Variants in ENTPD6 observed in about 807,000 individuals in gnomAD.
ENTPD6 encodes CD39 antigen-like 2.
Under a neutral mutation model 61.5 loss-of-function variants are expected in ENTPD6, and 46 were observed. The ratio of observed to expected loss-of-function variants is 0.75; its 90% CI spans 0.59 to 0.96. The LOEUF (loss-of-function observed/expected upper bound fraction) is 0.96. ENTPD6 is among the 40% of genes least tolerant of loss of function. The pLI is 0.00. For synonymous variants in ENTPD6, 252 were observed against 255.5 expected (o/e 0.99, Z 0.13); for missense variants, 612 against 629.0 (o/e 0.97, Z 0.29).
chr20:25,213,150 C>T, intron 4 of ENTPD6, 113 bp from the exon 5 acceptor site: 1 of 1,237,504 alleles, frequency 8.1e-7, no homozygotes, highest in Non-Finnish European at 1.2e-6. Context: ...GCCTGGGCAA[C>T]ACAGTGAGAC....
chr20:25,224,933 A>G (rs1453199460), intron 13 of ENTPD6: 1 of 522,932 alleles, frequency 1.9e-6, no homozygotes, highest in Non-Finnish European at 3.4e-6. Flanking sequence ...AGGGTCTTAG[A>G]TGTAGAAATG....
intron 1 of ENTPD6, among the ~76,000 whole-genome samples, chr20:25,200,389 T>C (rs2122479458): frequency 6.6e-6 from 1 of 152,360 alleles, no homozygotes; most frequent in South Asian, 2.1e-4. Context: ...TTTCATTTTG[T>C]TGATTGTTTC....
At chr20:25,205,479 C>T (rs933292335) in intron 1 of ENTPD6, among the ~76,000 whole-genome samples, 7 of 151,934 alleles carry the variant, frequency 4.6e-5, no homozygotes, top group Non-Finnish European at 1.0e-4. Flanking sequence ...TGGGCAAGGA[C>T]GAAAGAGGAG....
chr20:25,221,133 A>G, intron 10 of ENTPD6, 99 bp from the exon 11 acceptor site: 6 of 868,376 alleles, frequency 6.9e-6, no homozygotes, highest in South Asian at 6.7e-5. Context: ...AGCTTCCCCC[A>G]TCCTGTGTCA....
In ENTPD6 at chr20:25,225,782, C is replaced by T; in HGVS notation, c.*185C>T. 1 of 585,766 alleles carries T rather than the reference C, an allele frequency of 1.7e-6. No homozygotes were observed. The allele number at this position is 585,766 out of a possible 1,614,324, so 36.3% of individuals were successfully genotyped here. On this transcript the variant is annotated 3_prime_UTR_variant, in exon 15 of 15. Transcript: ENST00000376652. ...ATCAGCCTCTTCCAGTCACATCTGG[C>T]CAGAGGGCTGTCTGGACCTGGGCCC...
At position 25,217,600 on chromosome 20, in the gene ENTPD6, G is replaced by A. The variant is rs2092385507; in HGVS notation, c.878+19G>A. ...CCTACAGGTCTGCTTTCGGGAACAG[G>A]CGTGGGGAGGCGCCATGGGGTGGGT... On this transcript the variant is annotated intron_variant, in intron 9 of 14. Coordinates refer to ENST00000376652, the MANE Select transcript of ENTPD6 (RefSeq NM_001247.5). 1.9e-6 allele frequency: 3 copies of A among 1,610,682 alleles called. No homozygotes were observed. Among genetic ancestry groups the A allele is most frequent in the Non-Finnish European group, 2.5e-6 (3 of 1,176,962 alleles).
At chr20:25,211,431 C>T (rs1266977490) in intron 4 of ENTPD6, among the ~76,000 whole-genome samples, 1 of 152,184 alleles carries the variant, frequency 6.6e-6, no homozygotes, top group African/African-American at 2.4e-5. Context: ...GATGTCCCTC[C>T]TACTCCAGGC....
intron 1 of ENTPD6, among the ~76,000 whole-genome samples, chr20:25,204,816 G>A (rs959632226): frequency 1.3e-5 from 2 of 152,142 alleles, no homozygotes; most frequent in Non-Finnish European, 2.9e-5. Flanking sequence ...CTGGGGCAGG[G>A]GTGAGTGAAA....
intron 1 of ENTPD6, among the ~76,000 whole-genome samples, chr20:25,205,142 G>A (rs1377926911): frequency 6.6e-6 from 1 of 152,204 alleles, no homozygotes; most frequent in Non-Finnish European, 1.5e-5. Flanking sequence ...GGCAGCAGCA[G>A]CACAAGACAA....
At position 25,227,064 on chromosome 20, in the gene ENTPD6, G is replaced by A. The variant is rs967034905; in HGVS notation, c.*1467G>A. 1.1e-4 allele frequency among the ~76,000 whole-genome samples: 16 copies of A among 152,236 alleles called. No homozygotes were observed. Among genetic ancestry groups the A allele is most frequent in the South Asian group, 4.1e-4 (2 of 4,832 alleles). On this transcript the variant is annotated 3_prime_UTR_variant, in exon 15 of 15. Transcript: ENST00000376652. ...AAGGATCTGGTTTTGGTCTGGAAGC[G>A]TCCCAAAGGTGTCGCATGCCAGGGA...
intron 2 of ENTPD6, 66 bp downstream of exon 2, chr20:25,206,656 C>A: frequency 8.6e-7 from 1 of 1,169,068 alleles, no homozygotes; most frequent in Non-Finnish European, 1.3e-6. Context: ...AGTAAATTGC[C>A]TGAATAGAAG....
At chr20:25,208,580 GAA>G (rs1424009921) in intron 3 of ENTPD6, among the ~76,000 whole-genome samples, 3 of 152,186 alleles carry the variant, frequency 2.0e-5, no homozygotes, top group Non-Finnish European at 2.9e-5. Flanking sequence ...TCTTTGGAGA[GAA>G]AAGACTTTGC....
At chr20:25,196,534 C>T (rs900706961) in intron 1 of ENTPD6, among the ~76,000 whole-genome samples, 16 of 152,170 alleles carry the variant, frequency 1.1e-4, no homozygotes, top group Non-Finnish European at 5.9e-5. Context: ...ATAAGTGCAC[C>T]TGTAAGTGCA....
intron 9 of ENTPD6, 100 bp downstream of exon 9, chr20:25,217,681 G>C: frequency 4.9e-6 from 5 of 1,024,698 alleles, no homozygotes; most frequent in Non-Finnish European, 7.6e-6. Flanking sequence ...GCAGATCTGG[G>C]AATCCCTGTG....
At chr20:25,200,249 A>C (rs986068250) in intron 1 of ENTPD6, among the ~76,000 whole-genome samples, 1 of 152,116 alleles carries the variant, frequency 6.6e-6, no homozygotes, top group African/African-American at 2.4e-5. Context: ...TATGCTTTTT[A>C]TCTGTTATTT....
At chr20:25,205,216 C>T (rs1479872746) in intron 1 of ENTPD6, among the ~76,000 whole-genome samples, 6 of 152,058 alleles carry the variant, frequency 3.9e-5, no homozygotes, top group Non-Finnish European at 1.5e-5. Context: ...GGAATCAGGT[C>T]TATGAATACT....
At chr20:25,219,120 G>A (rs544215669) in intron 10 of ENTPD6, among the ~76,000 whole-genome samples, 37 of 152,338 alleles carry the variant, frequency 2.4e-4, no homozygotes, top group African/African-American at 8.7e-4. Flanking sequence ...ACCTTCAAAT[G>A]ATTGCCTGCC....
At chr20:25,204,191 ACTC>A (rs1242837668) in intron 1 of ENTPD6, among the ~76,000 whole-genome samples, 1 of 151,988 alleles carries the variant, frequency 6.6e-6, no homozygotes, top group African/African-American at 2.4e-5. Context: ...TGTGGCCAGA[ACTC>A]CTGCTCCTAA....
chr20:25,221,258 C>T lies in ENTPD6; in HGVS notation c.970C>T (p.Pro324Ser), dbSNP rs1380581828. 6.2e-7 allele frequency: 1 copy of T among 1,614,014 alleles called. No homozygotes were observed. Among genetic ancestry groups the T allele is most frequent in the East Asian group, 2.2e-5 (1 of 44,872 alleles). The change falls in exon 11 of 15, where the codon CCT (proline) becomes TCT (serine). Residue 324 changes from proline (P) to serine (S), a missense_variant. Coordinates refer to ENST00000376652, the MANE Select transcript of ENTPD6 (RefSeq NM_001247.5). ...TAAGGATGGAAAGGAGTTGGTCAGCCCTTGCTTGTCTCCCAGTTTCAAAGG... is the reference window on the plus strand; with the variant it reads ...TAAGGATGGAAAGGAGTTGGTCAGCTCTTGCTTGTCTCCCAGTTTCAAAGG... ...PAKDGKELVS[P>S]CLSPSFKGEW...
Sources: allele counts gnomAD v4.1 joint callset (sites outside exome capture counted in the v4.1 genomes callset), GRCh38; gene constraint gnomAD v4.1.1; transcripts MANE v1.5; gene names NCBI Gene and HGNC (gene_info 2026-07-23, HGNC 2026-07-21).